Variants in MITF observed in about 807,000 individuals in gnomAD.
MITF encodes the protein melanocyte inducing transcription factor, also known as microphthalmia-associated transcription factor.
Under a neutral mutation model 60.5 loss-of-function variants are expected in MITF, and 17 were observed. The ratio of observed to expected loss-of-function variants is 0.28; its 90% confidence interval spans 0.19 to 0.42. The LOEUF is 0.42. Among genes scored for constraint, MITF ranks in the 10% least tolerant of loss-of-function variants. MITF has a pLI of 1.00. For missense variants in MITF, 622 were observed against 683.5 expected (o/e 0.91, Z 1.00); for synonymous variants, 260 against 248.5 (o/e 1.05, Z -0.43).
Position 69,951,792 on chromosome 3 carries a change from G to A in MITF, c.881-20G>A. On this transcript the variant is annotated intron_variant, in intron 6 of 9. Transcript: ENST00000352241. ...ACTTCAAACAGTTCCAACTTCTAAT[G>A]ACTTCATTCACGTGCACAGCGTGTA... 6.2e-7 allele frequency: 1 copy of A among 1,604,238 alleles called. No individual in the cohort carries two copies. The highest frequency in any genetic ancestry group is 8.5e-7 in the Non-Finnish European group (1 of 1,171,388).
intron 2 of MITF, among the ~76,000 whole-genome samples, chr3:69,904,788 GA>G (rs964987740): frequency 8.0e-5 from 12 of 150,074 alleles, no homozygotes; most frequent in South Asian, 6.3e-4. Flanking sequence ...CATAGACAGA[GA>G]AAAAAAAAAT....
chr3:69,756,416 G>A (rs1704149883), intron 1 of MITF, among the ~76,000 whole-genome samples: 2 of 152,090 alleles, frequency 1.3e-5, no homozygotes, highest in South Asian at 4.2e-4. Context: ...AGTTTGCTGG[G>A]AATGATGGTT....
chr3:69,801,452 T>C (rs17638097), intron 1 of MITF, among the ~76,000 whole-genome samples: 7,022 of 152,290 alleles, frequency 0.046, 269 homozygotes, highest in Non-Finnish European at 0.065. Flanking sequence ...CATCATCACC[T>C]AGAAATGCGT....
At chr3:69,843,409 A>G (rs2063674607) in intron 1 of MITF, among the ~76,000 whole-genome samples, 1 of 152,140 alleles carries the variant, frequency 6.6e-6, no homozygotes, top group Non-Finnish European at 1.5e-5. Context: ...TGAGATTTTG[A>G]TATCCCTGAA....
At chr3:69,916,855 T>G (rs957561380) in intron 2 of MITF, among the ~76,000 whole-genome samples, 7 of 152,204 alleles carry the variant, frequency 4.6e-5, no homozygotes, top group Non-Finnish European at 8.8e-5. Flanking sequence ...CTTGTAGAAT[T>G]AAGTGATATT....
intron 2 of MITF, among the ~76,000 whole-genome samples, chr3:69,884,149 A>C (rs2064555931): frequency 6.6e-6 from 1 of 152,108 alleles, no homozygotes; most frequent in South Asian, 2.1e-4. Flanking sequence ...GTTAACTTTT[A>C]ACAGATTTAA....
chr3:69,814,642 C>T (rs539533198), intron 1 of MITF, among the ~76,000 whole-genome samples: 3 of 152,048 alleles, frequency 2.0e-5, no homozygotes, highest in Non-Finnish European at 4.4e-5. Context: ...TTTTAACTTG[C>T]CAGCTTTACT....
At chr3:69,778,951 A>G (rs1490415983) in intron 1 of MITF, 1 of 152,184 alleles carries the variant, frequency 6.6e-6, no homozygotes, top group Non-Finnish European at 1.5e-5. Context: ...GGAAAATGTC[A>G]TACCCTTTAT....
At chr3:69,878,210 C>T (rs138560521) in intron 1 of MITF, among the ~76,000 whole-genome samples, 38 of 152,170 alleles carry the variant, frequency 2.5e-4, no homozygotes, top group African/African-American at 8.4e-4. Flanking sequence ...GGGTAAAAAA[C>T]TATTGTTATC....
intron 1 of MITF, among the ~76,000 whole-genome samples, chr3:69,795,552 C>A (rs11921548): frequency 0.35 from 52,371 of 151,746 alleles, 9,909 homozygotes; most frequent in Non-Finnish European, 0.42. Context: ...ATGACAAGAC[C>A]TCATCTCTAC....
chr3:69,804,044 A>G (rs2062965988), intron 1 of MITF, among the ~76,000 whole-genome samples: 1 of 152,198 alleles, frequency 6.6e-6, no homozygotes, highest in Non-Finnish European at 1.5e-5. Context: ...GTTGAACACC[A>G]CAAAACACAG....
At chr3:69,835,015 C>CTTT (rs142347719) in intron 1 of MITF, among the ~76,000 whole-genome samples, 4,808 of 68,790 alleles carry the variant, frequency 0.07, 70 homozygotes, top group Non-Finnish European at 0.097. Context: ...GCTCTTTTAC[C>CTTT]TTTTTTTTTT....
In MITF at chr3:69,811,348, G is replaced by A. The variant is rs189443546; in HGVS notation, c.105-67786G>A. Among the ~76,000 whole-genome samples the A allele has an allele frequency of 3.1e-4, 47 of 152,238 alleles. No individual in the cohort carries two copies. In the East Asian group the frequency reaches 7.5e-3, roughly 24 times the overall value. On this transcript the variant is annotated intron_variant, in intron 1 of 9. Transcript: ENST00000352241. ...TGGACAAGTTTGATGATAGGTTTCC[G>A]AGCAAAATATATGGCTTCTGAGAAC...
chr3:69,762,222 C>T (rs950477523), intron 1 of MITF, among the ~76,000 whole-genome samples: 1 of 152,084 alleles, frequency 6.6e-6, no homozygotes, highest in African/African-American at 2.4e-5. Flanking sequence ...TATAAAAAAT[C>T]CTAGTTAATG....
At chr3:69,801,533 A>C (rs907889537) in intron 1 of MITF, among the ~76,000 whole-genome samples, 3 of 152,182 alleles carry the variant, frequency 2.0e-5, no homozygotes, top group African/African-American at 7.2e-5. Context: ...ATTGATGCCA[A>C]GAGATATCAA....
intron 1 of MITF, among the ~76,000 whole-genome samples, chr3:69,809,491 G>A (rs2106988681): frequency 6.6e-6 from 1 of 152,182 alleles, no homozygotes; most frequent in East Asian, 1.9e-4. Context: ...TAGACTTTGG[G>A]CCCAACTGGT....
At chr3:69,861,539 G>A (rs1041164159) in intron 1 of MITF, among the ~76,000 whole-genome samples, 1 of 152,190 alleles carries the variant, frequency 6.6e-6, no homozygotes, top group Admixed American at 6.5e-5. Context: ...GCCAGGTCAG[G>A]AGGCGCCAGG....
At chr3:69,745,003 G>T (rs185693086) in intron 1 of MITF, among the ~76,000 whole-genome samples, 2 of 152,198 alleles carry the variant, frequency 1.3e-5, no homozygotes, top group Admixed American at 6.5e-5. Context: ...GTGTTTTTAC[G>T]TGTGTAAAAC....
At chr3:69,841,846 C>T (rs368902094) in intron 1 of MITF, among the ~76,000 whole-genome samples, 29 of 151,940 alleles carry the variant, frequency 1.9e-4, no homozygotes, top group African/African-American at 6.3e-4. Flanking sequence ...GTTATATGTA[C>T]GAAGAAAAAA....
Sources: gnomAD v4.1 joint callset for allele counts (sites outside exome capture counted in the v4.1 genomes callset) on GRCh38, gnomAD v4.1.1 for gene constraint, MANE v1.5 for transcripts, NCBI Gene and HGNC (gene_info 2026-07-23, HGNC 2026-07-21) for gene names.